Variants in SNTG1 observed in about 807,000 individuals in gnomAD.
SNTG1 encodes syntrophin gamma 1, also known as gamma-1-syntrophin.
Under a neutral mutation model 74.7 loss-of-function variants are expected in SNTG1, and 39 were observed. The observed-to-expected ratio is 0.52, with a 90% CI of 0.40 to 0.68. SNTG1 has a LOEUF of 0.68. Ranked by LOEUF, SNTG1 falls within the 30% of genes least tolerant of loss-of-function variation. SNTG1 has a pLI of 0.00. For synonymous variants in SNTG1, 254 were observed against 217.1 expected (o/e 1.17, Z -1.49); for missense variants, 685 against 609.5 (o/e 1.12, Z -1.30).
intron 13 of SNTG1, among the ~76,000 whole-genome samples, chr8:50,617,169 T>C (rs545560653): frequency 1.2e-4 from 19 of 152,326 alleles, no homozygotes; most frequent in African/African-American, 3.8e-4. Flanking sequence ...AACCACAGTA[T>C]ACATCCATTT....
chr8:50,694,058 G>A (rs1390007789), intron 15 of SNTG1, among the ~76,000 whole-genome samples: 2 of 151,426 alleles, frequency 1.3e-5, no homozygotes, highest in Non-Finnish European at 2.9e-5. Flanking sequence ...AATTAGAAAA[G>A]CAAGAGGAAA....
At chr8:50,198,272 G>A (rs1414142920) in intron 2 of SNTG1, among the ~76,000 whole-genome samples, 5 of 152,192 alleles carry the variant, frequency 3.3e-5, no homozygotes, top group Non-Finnish European at 1.5e-5. Flanking sequence ...GGCTCTGAAG[G>A]TGGCAGTGGG....
intron 1 of SNTG1, among the ~76,000 whole-genome samples, chr8:49,980,836 A>C (rs941328106): frequency 2.8e-4 from 42 of 152,210 alleles, no homozygotes; most frequent in African/African-American, 9.4e-4. Context: ...GCTAACTTTT[A>C]TTAGGGGTTC....
chr8:50,253,294 G>A (rs1251449604), intron 2 of SNTG1, among the ~76,000 whole-genome samples: 1 of 151,964 alleles, frequency 6.6e-6, no homozygotes, highest in Non-Finnish European at 1.5e-5. Flanking sequence ...GTGGTGGCGG[G>A]CACCTGTAAT....
chr8:49,966,459 A>G (rs534780979), intron 1 of SNTG1, among the ~76,000 whole-genome samples: 22 of 151,672 alleles, frequency 1.5e-4, no homozygotes, highest in Non-Finnish European at 2.6e-4. Context: ...CAGTGGTGCA[A>G]TCTCTGCTCA....
In SNTG1 at chr8:50,186,349, C is replaced by A. The variant is rs979980558; in HGVS notation, c.-28+13714C>A. The stretch of plus-strand genomic sequence containing the variant: ...TCTTTATAGTAGAATGATTTATATT[C>A]CTTTGGGTATATACTCAATAATGGG... On this transcript the variant is annotated intron_variant, in intron 2 of 18. Coordinates refer to ENST00000642720, the MANE Select transcript of SNTG1 (RefSeq NM_018967.5). Among the ~76,000 whole-genome samples the A allele has an allele frequency of 2.0e-5, 3 of 151,986 alleles. No individual in the cohort carries two copies. In the South Asian group the frequency reaches 6.2e-4, roughly 32 times the overall value.
At chr8:50,407,811 G>A (rs1000134063) in intron 4 of SNTG1, among the ~76,000 whole-genome samples, 1 of 152,196 alleles carries the variant, frequency 6.6e-6, no homozygotes, top group African/African-American at 2.4e-5. Context: ...AGGATAGTTT[G>A]GTGGGCAGGC....
chr8:50,032,794 T>A (rs974036339), intron 1 of SNTG1, among the ~76,000 whole-genome samples: 6 of 152,176 alleles, frequency 3.9e-5, no homozygotes, highest in African/African-American at 7.2e-5. Context: ...ATACATATAT[T>A]TTTTTTCATG....
intron 8 of SNTG1, among the ~76,000 whole-genome samples, chr8:50,487,854 A>T (rs2093812589): frequency 6.6e-6 from 1 of 152,170 alleles, no homozygotes; most frequent in Admixed American, 6.5e-5. Context: ...TCCAGTAAAA[A>T]AAAAAAGAAG....
intron 13 of SNTG1, among the ~76,000 whole-genome samples, chr8:50,602,533 T>A (rs1585815079): frequency 6.6e-6 from 1 of 152,212 alleles, no homozygotes; most frequent in East Asian, 1.9e-4. Context: ...GATGAATAGT[T>A]TACACACCAC....
At chr8:50,540,133 T>G (rs984094840) in intron 11 of SNTG1, among the ~76,000 whole-genome samples, 1 of 152,176 alleles carries the variant, frequency 6.6e-6, no homozygotes, top group African/African-American at 2.4e-5. Context: ...GTTCTTTAGT[T>G]GCATCAGAAA....
At position 50,486,899 on chromosome 8, in the gene SNTG1, T is replaced by C. The variant is rs536906715; in HGVS notation, c.364-15879T>C. 1.1e-3 allele frequency among the ~76,000 whole-genome samples: 172 copies of C among 152,346 alleles called. 1 individual carries two copies. The highest frequency in any genetic ancestry group is 4.0e-3 in the African/African-American group (165 of 41,582). On this transcript the variant is annotated intron_variant, in intron 8 of 18. Transcript: ENST00000642720. Reference sequence around the variant, plus strand: ...TTGTCAAAGGCCTTTTCTGCATCTATTGAGATAATCATGTGGTTTTTGTCT... The same window carrying C: ...TTGTCAAAGGCCTTTTCTGCATCTACTGAGATAATCATGTGGTTTTTGTCT...
At chr8:50,413,295 T>C (rs1231785411) in intron 4 of SNTG1, among the ~76,000 whole-genome samples, 2 of 152,194 alleles carry the variant, frequency 1.3e-5, no homozygotes, top group Non-Finnish European at 2.9e-5. Flanking sequence ...AGACAGATGA[T>C]TGATTCATAG....
At chr8:50,509,445 C>A (rs1276384000) in intron 9 of SNTG1, among the ~76,000 whole-genome samples, 1 of 152,150 alleles carries the variant, frequency 6.6e-6, no homozygotes, top group African/African-American at 2.4e-5. Flanking sequence ...TTTTCCAATT[C>A]TGTGAAGAAA....
At chr8:50,454,328 C>A (rs923145035) in intron 8 of SNTG1, among the ~76,000 whole-genome samples, 4 of 151,434 alleles carry the variant, frequency 2.6e-5, no homozygotes, top group Admixed American at 2.6e-4. Context: ...AATCCCATCT[C>A]TACTAAAAAT....
At chr8:50,634,289 C>T (rs574643300) in intron 13 of SNTG1, among the ~76,000 whole-genome samples, 3 of 152,344 alleles carry the variant, frequency 2.0e-5, no homozygotes, top group Admixed American at 2.0e-4. Flanking sequence ...TTAAAGCCTC[C>T]TTTTCTGTGG....
chr8:50,621,855 T>C (rs2131048781), intron 13 of SNTG1, among the ~76,000 whole-genome samples: 1 of 152,342 alleles, frequency 6.6e-6, no homozygotes, highest in Non-Finnish European at 1.5e-5. Context: ...GTCAATAAAA[T>C]AACTTTTAGA....
At chr8:50,169,781 G>A (rs2082741432) in intron 1 of SNTG1, among the ~76,000 whole-genome samples, 1 of 151,996 alleles carries the variant, frequency 6.6e-6, no homozygotes, top group South Asian at 2.1e-4. Flanking sequence ...CCTTTGCAGA[G>A]GTCCCAACTA....
chr8:50,548,020 T>C (rs965016463), intron 11 of SNTG1, among the ~76,000 whole-genome samples: 3 of 152,198 alleles, frequency 2.0e-5, no homozygotes, highest in African/African-American at 4.8e-5. Context: ...TAATACCTGC[T>C]CCTGTGAGGG....
Sources: allele counts gnomAD v4.1 joint callset (sites outside exome capture counted in the v4.1 genomes callset), GRCh38; gene constraint gnomAD v4.1.1; transcripts MANE v1.5; gene names NCBI Gene and HGNC (gene_info 2026-07-23, HGNC 2026-07-21).